The following EHBP1 variants were observed in gnomAD, a reference collection of about 807,000 sequenced individuals.
EHBP1 encodes EH domain-binding protein 1.
A neutral mutation model predicts 144.0 loss-of-function variants in EHBP1; 55 were observed. The ratio of observed to expected loss-of-function variants is 0.38; its 90% CI spans 0.31 to 0.48. EHBP1 has a LOEUF of 0.48. EHBP1 is among the 20% of genes least tolerant of loss of function. The probability of loss-of-function intolerance (pLI) is 0.98; values close to 1 mark genes in which losing one functional copy is unlikely to be tolerated. For missense variants in EHBP1, 1,200 were observed against 1,364.2 expected, an observed-to-expected ratio of 0.88 and a Z score of 1.90; for synonymous variants, 469 against 472.7, an observed-to-expected ratio of 0.99 and a Z score of 0.10.
intron 7 of EHBP1, among the ~76,000 whole-genome samples, chr2:62,843,245 C>A (rs1004630467): frequency 1.3e-5 from 2 of 152,158 alleles, no homozygotes; most frequent in Non-Finnish European, 2.9e-5. Flanking sequence ...TATATCTTAA[C>A]TGAAAGGCCA....
chr2:62,820,897 T>TGG (rs1378400039), intron 5 of EHBP1, among the ~76,000 whole-genome samples: 1 of 150,608 alleles, frequency 6.6e-6, no homozygotes, highest in East Asian at 1.9e-4. Context: ...GGATACAATT[T>TGG]GGGAGGGGAC....
At chr2:62,990,320 T>G (rs942316167) in intron 15 of EHBP1, among the ~76,000 whole-genome samples, 2 of 152,130 alleles carry the variant, frequency 1.3e-5, no homozygotes. Context: ...TCTGATATAC[T>G]AAAAGAAAAC....
chr2:62,890,363 A>G (rs551374584), intron 10 of EHBP1, among the ~76,000 whole-genome samples: 2 of 152,254 alleles, frequency 1.3e-5, no homozygotes, highest in Non-Finnish European at 2.9e-5. Flanking sequence ...GATTCTTCCA[A>G]CCCATGAGCA....
chr2:62,958,604 T>G lies in EHBP1; in HGVS notation c.2460+2944T>G, dbSNP rs572857888. On this transcript the variant is annotated intron_variant, in intron 14 of 22. Coordinates refer to ENST00000431489, the MANE Select transcript of EHBP1 (RefSeq NM_001142616.3). ...AGAGGGATAGAAAAGATTTATAGCT[T>G]TATTGTGTCTGATTACACAGGTATA... 2.1e-3 allele frequency among the ~76,000 whole-genome samples: 325 copies of G among 152,310 alleles called. 1 individual carries two copies. The highest frequency in any genetic ancestry group is 5.7e-3 in the African/African-American group (236 of 41,574).
At chr2:62,831,829 T>G (rs544539325) in intron 7 of EHBP1, among the ~76,000 whole-genome samples, 1 of 152,322 alleles carries the variant, frequency 6.6e-6, no homozygotes, top group African/African-American at 2.4e-5. Context: ...TTGATGTCCC[T>G]TCACTTCTAT....
At chr2:62,722,546 C>T (rs994343722) in intron 2 of EHBP1, among the ~76,000 whole-genome samples, 1 of 152,030 alleles carries the variant, frequency 6.6e-6, no homozygotes, top group Non-Finnish European at 1.5e-5. Context: ...CTCCAATTAT[C>T]CCAAGAATTC....
At position 62,771,362 on chromosome 2, in the gene EHBP1, A is replaced by G; in HGVS notation, c.282A>G (p.Glu94=). 1.9e-6 allele frequency: 3 copies of G among 1,593,016 alleles called. No individual in the cohort carries two copies. Among genetic ancestry groups the G allele is most frequent in the Non-Finnish European group, 2.6e-6 (3 of 1,169,532 alleles). ...LFKDPHAEEF[E]DKEWTFVIEN... ...AGGATCCTCATGCGGAAGAATTTGA[A>G]GACAAAGAGTGGACATTTGTCATAG... The change falls in exon 5 of 23, where the codon GAA becomes GAG. Residue 94 remains glutamate, a synonymous_variant. Transcript: ENST00000431489.
At chr2:62,825,614 A>G (rs2046292000) in intron 5 of EHBP1, among the ~76,000 whole-genome samples, 1 of 152,018 alleles carries the variant, frequency 6.6e-6, no homozygotes, top group African/African-American at 2.4e-5. Flanking sequence ...GTAGACAGAA[A>G]AAAAAAAAAG....
intron 19 of EHBP1, among the ~76,000 whole-genome samples, chr2:62,999,382 C>T (rs1036497263): frequency 6.6e-5 from 10 of 152,128 alleles, no homozygotes; most frequent in Admixed American, 1.3e-4. Context: ...AATTCTGTAG[C>T]GTTTGGTACA....
At chr2:62,985,887 C>T (rs913192930) in intron 15 of EHBP1, among the ~76,000 whole-genome samples, 1 of 152,156 alleles carries the variant, frequency 6.6e-6, no homozygotes, top group Admixed American at 6.5e-5. Context: ...ATTATAGTCC[C>T]TTGAATATGC....
chr2:62,939,078 T>C (rs2056577111), intron 10 of EHBP1, among the ~76,000 whole-genome samples: 1 of 152,208 alleles, frequency 6.6e-6, no homozygotes, highest in Non-Finnish European at 1.5e-5. Flanking sequence ...TGATTTAGGT[T>C]AATAAATGAA....
chr2:62,859,665 T>C (rs1040707384), intron 8 of EHBP1, among the ~76,000 whole-genome samples: 24 of 152,194 alleles, frequency 1.6e-4, no homozygotes, highest in African/African-American at 5.8e-4. Context: ...TATGTCTCTC[T>C]AGCCGAGATT....
chr2:62,790,086 A>G (rs1052398391), intron 5 of EHBP1, among the ~76,000 whole-genome samples: 12 of 152,234 alleles, frequency 7.9e-5, no homozygotes, highest in Non-Finnish European at 2.9e-5. Flanking sequence ...GTGAATATTT[A>G]TATTTCCACT....
intron 2 of EHBP1, among the ~76,000 whole-genome samples, chr2:62,715,268 C>T (rs2035554227): frequency 2.0e-5 from 3 of 151,996 alleles, no homozygotes; most frequent in Admixed American, 2.0e-4. Context: ...GTGCATGCCA[C>T]CATGCCCAGC....
intron 5 of EHBP1, among the ~76,000 whole-genome samples, chr2:62,787,395 C>G (rs1158764858): frequency 1.3e-4 from 5 of 39,312 alleles, no homozygotes; most frequent in Non-Finnish European, 1.1e-4. Flanking sequence ...TGCACCGCTG[C>G]CCCCCCCCCC....
At chr2:62,850,420 A>G (rs540431495) in intron 7 of EHBP1, among the ~76,000 whole-genome samples, 27 of 152,056 alleles carry the variant, frequency 1.8e-4, no homozygotes, top group Admixed American at 3.3e-4. Flanking sequence ...CTGGTGGTCA[A>G]TTTCGATCTT....
intron 10 of EHBP1, among the ~76,000 whole-genome samples, chr2:62,942,078 A>C (rs2056789517): frequency 6.6e-6 from 1 of 152,126 alleles, no homozygotes. Context: ...CTCAATGATA[A>C]TTAGAAAGTA....
chr2:62,916,724 ATGTG>A (rs964371746), intron 10 of EHBP1, among the ~76,000 whole-genome samples: 9 of 149,390 alleles, frequency 6.0e-5, no homozygotes, highest in African/African-American at 1.7e-4. Context: ...TAATTTTATA[ATGTG>A]TGTATTATAT....
intron 19 of EHBP1, among the ~76,000 whole-genome samples, chr2:63,030,169 A>G (rs745873909): frequency 5.9e-5 from 9 of 152,220 alleles, no homozygotes; most frequent in Non-Finnish European, 1.2e-4. Context: ...TTATAGTTAT[A>G]TCTACAGGAG....
Sources: gnomAD v4.1 joint callset for allele counts (sites outside exome capture counted in the v4.1 genomes callset) on GRCh38, gnomAD v4.1.1 for gene constraint, MANE v1.5 for transcripts, NCBI Gene and HGNC (gene_info 2026-07-23, HGNC 2026-07-21) for gene names.